The following STK10 variants were observed in gnomAD, a reference collection of about 807,000 sequenced individuals.
The protein encoded by STK10 is serine/threonine kinase 10.
STK10 carries 78 observed loss-of-function variants against 113.8 expected under a neutral mutation model. The observed-to-expected ratio is 0.69, with a 90% CI of 0.57 to 0.83. The LOEUF is 0.83. STK10 is among the 40% of genes least tolerant of loss of function. The pLI, the probability that STK10 is intolerant of heterozygous loss-of-function variation, is 0.00. For missense variants in STK10, 1,109 were observed against 1,280.1 expected, an observed-to-expected ratio of 0.87 and a Z score of 2.04; for synonymous variants, 465 against 494.7, an observed-to-expected ratio of 0.94 and a Z score of 0.80.
intron 4 of STK10, among the ~76,000 whole-genome samples, chr5:172,114,300 G>T (rs1023706596): frequency 1.4e-5 from 2 of 145,210 alleles, no homozygotes; most frequent in African/African-American, 2.8e-5. Flanking sequence ...GTGTGTGTGT[G>T]TGTGTGTGTG....
chr5:172,093,775 G>A lies in STK10; in HGVS notation c.1191C>T (p.Ala397=). Reference sequence around the variant, plus strand: ...CTGCCAGGCCGTTCTCATTTCCAGGGGCCACGACTGGGGGACTGGTGGTTT... The same window carrying A: ...CTGCCAGGCCGTTCTCATTTCCAGGAGCCACGACTGGGGGACTGGTGGTTT... ...SLQTTSPPVV[A]PGNENGLAVP... is the part of the protein sequence containing the mutation. Residue 397 remains alanine, a synonymous_variant, in exon 9 of 19, where the codon GCC becomes GCT. Coordinates refer to ENST00000176763, the MANE Select transcript of STK10 (RefSeq NM_005990.4). The surrounding 1 kb of genome is among the most constrained non-coding windows in gnomAD (Gnocchi z 4.1). The A allele has an allele frequency of 1.2e-6, 2 of 1,610,116 alleles. No homozygotes were observed. Among genetic ancestry groups the A allele is most frequent in the Non-Finnish European group, 1.7e-6 (2 of 1,176,826 alleles).
intron 4 of STK10, among the ~76,000 whole-genome samples, chr5:172,112,635 G>A (rs1321520441): frequency 6.7e-6 from 1 of 149,076 alleles, no homozygotes; most frequent in East Asian, 2.0e-4. Flanking sequence ...TAGCCAGGAT[G>A]GTCTCGATCT....
At chr5:172,112,416 CT>C (rs1159424183) in intron 4 of STK10, among the ~76,000 whole-genome samples, 2,903 of 103,040 alleles carry the variant, frequency 0.028, 74 homozygotes, top group African/African-American at 0.089. Flanking sequence ...AGGGACCTTA[CT>C]TTTTTTTTTT....
chr5:172,059,076 A>AC (rs1767872470), intron 14 of STK10, among the ~76,000 whole-genome samples: 1 of 151,308 alleles, frequency 6.6e-6, no homozygotes, highest in Non-Finnish European at 1.5e-5. Flanking sequence ...ACAAAAAAAA[A>AC]AAAATTAGCT....
At chr5:172,129,720 G>C (rs1769705919) in intron 2 of STK10, among the ~76,000 whole-genome samples, 1 of 152,128 alleles carries the variant, frequency 6.6e-6, no homozygotes, top group South Asian at 2.1e-4. Flanking sequence ...CTCCACGAAA[G>C]AGGAAGAAAA....
In STK10 at chr5:172,187,493, C is replaced by T. The variant is rs2113850507; in HGVS notation, c.156+394G>A. ...TATTCCCACAGCATCTGTGGTCTCT[C>T]TTAAAAAAAAAAGTGTGCCCGTATC... On this transcript the variant is annotated intron_variant, in intron 1 of 18. Transcript: ENST00000176763. The surrounding 1 kb of genome is among the most constrained non-coding windows in gnomAD (Gnocchi z 4.6). Among the ~76,000 whole-genome samples the T allele has an allele frequency of 6.6e-6, 1 of 152,208 alleles. No individual in the cohort carries two copies. The highest frequency in any genetic ancestry group is 1.9e-4 in the East Asian group (1 of 5,178).
Position 172,055,721 on chromosome 5 carries a change from C to G in STK10, c.2393G>C (p.Arg798Pro). ...NQRMIEQLKV[R>P]QQQEKARLPK... ...CAGCCGCGCCTTTTCCTGTTGCTGC[C>G]GCACCTTCAGCTGCTCTATCATGCG... The change falls in exon 16 of 19, where the codon CGG becomes CCG. Residue 798 changes from arginine to proline, a missense_variant. Physicochemically the swap from Arg to Pro is moderately radical, Grantham distance 103. This residue lies in a region of STK10 where 885 missense variants were observed against 991.1 expected (regional missense o/e 0.89). Transcript: ENST00000176763. 6.3e-7 allele frequency: 1 copy of G among 1,579,664 alleles called. No individual in the cohort carries two copies. Among genetic ancestry groups the G allele is most frequent in the Non-Finnish European group, 8.6e-7 (1 of 1,159,814 alleles).
intron 12 of STK10, among the ~76,000 whole-genome samples, chr5:172,068,140 A>G (rs973922573): frequency 5.9e-5 from 9 of 152,338 alleles, no homozygotes; most frequent in South Asian, 2.1e-4. Context: ...GGAATTCAAG[A>G]CAAGCCTGGC....
At chr5:172,158,464 TA>T (rs1770399541) in intron 1 of STK10, among the ~76,000 whole-genome samples, 1 of 151,896 alleles carries the variant, frequency 6.6e-6, no homozygotes, top group Admixed American at 6.6e-5. Context: ...CCCATCTCAC[TA>T]AAAACACAAA....
Position 172,061,208 on chromosome 5 carries a change from T to C in STK10, c.2143A>G (p.Thr715Ala). 6.2e-7 allele frequency: 1 copy of C among 1,613,536 alleles called. No homozygotes were observed. Among genetic ancestry groups the C allele is most frequent in the Admixed American group, 1.7e-5 (1 of 59,950 alleles). Residue 715 changes from threonine (T) to alanine (A), a missense_variant, in exon 14 of 19, where the codon ACC becomes GCC. Physicochemically the swap from Thr to Ala is moderately conservative, Grantham distance 58. Around this residue, in one of 5 missense-constraint regions of STK10, gnomAD observed 885 missense variants for 991.1 expected, o/e 0.89. Transcript: ENST00000176763. ...DLELAMKRLT[T>A]DNRREICDKE... ...TCACAGATCTCCCGCCTGTTGTCGG[T>C]GGTGAGCCTCTTCATGGCCAGCTCC...
Position 172,093,971 on chromosome 5 carries a change from A to G in STK10, c.1006-11T>C. ...ATGGTTCTCCAGGGTCTAGAAAAAT[A>G]TATATATATATATTAAAGGCCATGC... On this transcript the variant is annotated splice_polypyrimidine_tract_variant and intron_variant, in intron 8 of 18. Coordinates refer to ENST00000176763, the MANE Select transcript of STK10 (RefSeq NM_005990.4). The surrounding 1 kb of genome is among the most constrained non-coding windows in gnomAD (Gnocchi z 4.1). 1 of 1,390,184 alleles carries G rather than the reference A, an allele frequency of 7.2e-7. No individual in the cohort carries two copies. The highest frequency in any genetic ancestry group is 9.4e-7 in the Non-Finnish European group (1 of 1,065,328). The allele number at this position is 1,390,184 out of a possible 1,614,324, so 86.1% of individuals were successfully genotyped here.
intron 3 of STK10, among the ~76,000 whole-genome samples, chr5:172,118,489 T>C (rs115580899): frequency 0.018 from 2,697 of 152,066 alleles, 76 homozygotes; most frequent in African/African-American, 0.06. Flanking sequence ...GAAATGACAT[T>C]TGGGCTATGT....
intron 1 of STK10, among the ~76,000 whole-genome samples, chr5:172,157,566 A>G (rs1770376849): frequency 6.6e-6 from 1 of 152,012 alleles, no homozygotes; most frequent in Non-Finnish European, 1.5e-5. Context: ...AAAAGAAAAA[A>G]CATTTTTTTA....
chr5:172,135,357 C>T (rs1561820550), intron 2 of STK10, among the ~76,000 whole-genome samples: 1 of 151,974 alleles, frequency 6.6e-6, no homozygotes, highest in African/African-American at 2.4e-5. Flanking sequence ...AATAAAAATA[C>T]AAAAGTTAGC....
rs1416861166 is a variant in STK10 at position 172,176,759 on chromosome 5, T to TC, written c.156+11127dup. Among the ~76,000 whole-genome samples the TC allele has an allele frequency of 3.3e-5, 5 of 152,346 alleles. No individual in the cohort carries two copies. In the East Asian group the frequency reaches 9.6e-4, roughly 29 times the overall value. ...TCTCTTGACTTGGTCCCTGCTATGG[T>TC]CCGAGTGTCTGTGTCCCTACAAAAT... On this transcript the variant is annotated intron_variant, in intron 1 of 18. Transcript: ENST00000176763.
Position 172,073,142 on chromosome 5 carries a change from A to T in STK10, c.1990-8330T>A, listed in dbSNP as rs181716488. On this transcript the variant is annotated intron_variant, in intron 12 of 18. Transcript: ENST00000176763. ...AGGTGCATGCCACCACACCCAGCTA[A>T]TTATTTATTTATTTATTTATTTTTT... 2.3e-3 allele frequency among the ~76,000 whole-genome samples: 346 copies of T among 151,864 alleles called. 1 individual carries two copies. Among genetic ancestry groups the T allele is most frequent in the African/African-American group, 8.0e-3 (330 of 41,396 alleles).
intron 10 of STK10, among the ~76,000 whole-genome samples, chr5:172,087,000 T>C (rs1768576840): frequency 6.6e-6 from 1 of 152,072 alleles, no homozygotes; most frequent in African/African-American, 2.4e-5. Flanking sequence ...CTCTTGAGGT[T>C]GAAACTCAGA....
At chr5:172,089,391 T>C (rs1255569786) in intron 10 of STK10, among the ~76,000 whole-genome samples, 2 of 143,932 alleles carry the variant, frequency 1.4e-5, no homozygotes, top group Admixed American at 1.5e-4. Context: ...GGTTGGTGGA[T>C]ACATGGATGG....
At chr5:172,108,058 C>A (rs974472810) in intron 4 of STK10, 8 of 483,956 alleles carry the variant, frequency 1.7e-5, no homozygotes, top group African/African-American at 1.2e-4. Flanking sequence ...CGAGAGCCTG[C>A]ACTGGCAGCA....
Sources: allele counts gnomAD v4.1 joint callset (sites outside exome capture counted in the v4.1 genomes callset), GRCh38; gene constraint gnomAD v4.1.1; regional missense constraint gnomAD v4.1.1; non-coding constraint Gnocchi (gnomAD v3.1); transcripts MANE v1.5; gene names NCBI Gene and HGNC (gene_info 2026-07-23, HGNC 2026-07-21).